Variants in FYCO1 observed in about 807,000 individuals in gnomAD.
FYCO1 encodes FYVE and coiled-coil domain-containing protein 1.
FYCO1 carries 122 observed loss-of-function variants against 165.1 expected under a neutral mutation model. That is an observed-to-expected ratio of 0.74 (90% confidence interval 0.64 to 0.86). The LOEUF (loss-of-function observed/expected upper bound fraction) is 0.86. FYCO1 is among the 40% of genes least tolerant of loss of function. FYCO1 has a pLI of 0.00. For missense variants in FYCO1, 1,702 were observed against 1,810.3 expected, an observed-to-expected ratio of 0.94 and a Z score of 1.09; for synonymous variants, 648 against 742.5, an observed-to-expected ratio of 0.87 and a Z score of 2.07.
chr3:45,981,737 G>A lies in FYCO1; in HGVS notation c.56-61C>T, dbSNP rs558733932. The A allele has an allele frequency of 3.4e-5, 41 of 1,190,798 alleles. No individual in the cohort carries two copies. The South Asian group carries it at 4.4e-4, about 13-fold the overall frequency. The allele number at this position is 1,190,798 out of a possible 1,614,324, so 73.8% of individuals were successfully genotyped here. ...GTGACTAAACTCAGACAGAGAAGCA[G>A]AAATAATCCAGGAAGCATGAGGAGC... On this transcript the variant is annotated intron_variant, in intron 2 of 17. Coordinates refer to ENST00000296137, the MANE Select transcript of FYCO1 (RefSeq NM_024513.4).
At chr3:45,939,174 C>T (rs904521573) in intron 14 of FYCO1, among the ~76,000 whole-genome samples, 2 of 151,600 alleles carry the variant, frequency 1.3e-5, no homozygotes, top group South Asian at 2.1e-4. Context: ...AGCACATGTT[C>T]TAGTCCGTCA....
intron 14 of FYCO1, chr3:45,945,830 C>G (rs1704557595): frequency 6.6e-6 from 1 of 152,286 alleles, no homozygotes; most frequent in African/African-American, 2.4e-5. Context: ...TTTGTTTCCC[C>G]ATTAGTAGCC....
chr3:45,986,417 C>T (rs1032854884), intron 1 of FYCO1, among the ~76,000 whole-genome samples: 1 of 152,190 alleles, frequency 6.6e-6, no homozygotes, highest in South Asian at 2.1e-4. Context: ...GCATGGAAAC[C>T]ACCCCAGCCA....
At chr3:45,977,820 G>A (rs1706849564) in intron 4 of FYCO1, among the ~76,000 whole-genome samples, 1 of 152,176 alleles carries the variant, frequency 6.6e-6, no homozygotes, top group African/African-American at 2.4e-5. Flanking sequence ...ACCTACAAAT[G>A]CTTCTTATCC....
intron 13 of FYCO1, among the ~76,000 whole-genome samples, chr3:45,957,438 A>T (rs1402842921): frequency 6.6e-6 from 1 of 152,252 alleles, no homozygotes; most frequent in Admixed American, 6.5e-5. Context: ...TGCTCTTTGA[A>T]GACTTTTTTG....
chr3:45,936,374 C>T lies in FYCO1; in HGVS notation c.4040+74G>A, dbSNP rs4535265. Reference sequence around the variant, plus strand: ...TTAGAGCCCCCGAGGTGGTCCCCAGCGCCGGCACTGGAGAGGCCAGTGCTC... The same window carrying T: ...TTAGAGCCCCCGAGGTGGTCCCCAGTGCCGGCACTGGAGAGGCCAGTGCTC... On this transcript the variant is annotated intron_variant, in intron 15 of 17. Transcript: ENST00000296137. 385,932 of 975,800 alleles carry T rather than the reference C, an allele frequency of 0.4. 81,483 individuals are homozygous for T. Among genetic ancestry groups the T allele is most frequent in the East Asian group, 0.62 (25,821 of 41,886 alleles). 60.4% of individuals were successfully genotyped at this position (975,800 alleles called of 1,614,324 possible).
At chr3:45,989,407 G>T (rs1397981381) in intron 1 of FYCO1, among the ~76,000 whole-genome samples, 1 of 152,202 alleles carries the variant, frequency 6.6e-6, no homozygotes, top group Non-Finnish European at 1.5e-5. Flanking sequence ...AGGCCTGGAG[G>T]TCCTGCTGGC....
chr3:45,971,303 A>T (rs1158529516), intron 6 of FYCO1, among the ~76,000 whole-genome samples: 1 of 152,226 alleles, frequency 6.6e-6, no homozygotes, highest in Non-Finnish European at 1.5e-5. Context: ...GAGTTAGAAA[A>T]TCACTCTGGT....
intron 16 of FYCO1, among the ~76,000 whole-genome samples, chr3:45,928,352 T>A (rs1312129541): frequency 6.6e-6 from 1 of 152,182 alleles, no homozygotes; most frequent in Admixed American, 6.5e-5. Flanking sequence ...CAAAGACGGA[T>A]CCTCTGCCCA....
Position 45,921,041 on chromosome 3 carries a change from G to T in FYCO1, c.*724C>A, listed in dbSNP as rs148133261. The T allele has an allele frequency of 3.8e-3, 595 of 156,904 alleles. 8 individuals carry two copies. The highest frequency in any genetic ancestry group is 0.013 in the African/African-American group (548 of 41,554). 9.7% of individuals were successfully genotyped at this position (156,904 alleles called of 1,614,324 possible). A position where few individuals can be genotyped will look rare whatever the true frequency, so the allele number is the denominator to read the frequency against. On this transcript the variant is annotated 3_prime_UTR_variant, in exon 18 of 18. Coordinates refer to ENST00000296137, the MANE Select transcript of FYCO1 (RefSeq NM_024513.4). ...ATTATCTTTACTTCTGATTCTTAGG[G>T]CAATGCTTTGAGCTGTGGAGAGGTC...
At chr3:45,986,403 C>T (rs1003039517) in intron 1 of FYCO1, among the ~76,000 whole-genome samples, 2 of 152,174 alleles carry the variant, frequency 1.3e-5, no homozygotes, top group Admixed American at 1.3e-4. Flanking sequence ...GCAAGCAGAT[C>T]CTGGCATGGA....
chr3:45,987,779 A>G (rs7653682), intron 1 of FYCO1, among the ~76,000 whole-genome samples: 105,800 of 152,120 alleles, frequency 0.7, 39,291 homozygotes, highest in East Asian at 1. Context: ...ATCCTGAGTA[A>G]CTCATCCGGG....
chr3:45,955,611 G>A (rs369938758), intron 13 of FYCO1, among the ~76,000 whole-genome samples: 12 of 152,172 alleles, frequency 7.9e-5, no homozygotes, highest in African/African-American at 2.9e-4. Context: ...GCTTACAGAC[G>A]AAATGGAATG....
chr3:45,992,299 C>T (rs1707596739), intron 1 of FYCO1, among the ~76,000 whole-genome samples: 1 of 152,128 alleles, frequency 6.6e-6, no homozygotes, highest in Non-Finnish European at 1.5e-5. Flanking sequence ...ATGACAACAG[C>T]AGTGCCAGCG....
chr3:45,988,769 G>T (rs1707431825), intron 1 of FYCO1, among the ~76,000 whole-genome samples: 1 of 152,144 alleles, frequency 6.6e-6, no homozygotes, highest in African/African-American at 2.4e-5. Flanking sequence ...AAGAGGAAAA[G>T]GGACTCAATG....
chr3:45,939,868 G>A (rs1241861716), intron 14 of FYCO1, among the ~76,000 whole-genome samples: 1 of 152,194 alleles, frequency 6.6e-6, no homozygotes, highest in Non-Finnish European at 1.5e-5. Flanking sequence ...AACTAAAAAT[G>A]TGGCTGCCTG....
intron 7 of FYCO1, among the ~76,000 whole-genome samples, 167 bp downstream of exon 7, chr3:45,969,508 T>C (rs1706297751): frequency 6.6e-6 from 1 of 152,242 alleles, no homozygotes; most frequent in South Asian, 2.1e-4. Context: ...CTAGATTCTA[T>C]TTGGTTGAAA....
intron 15 of FYCO1, among the ~76,000 whole-genome samples, chr3:45,934,925 G>A (rs1233259519): frequency 6.6e-6 from 1 of 152,182 alleles, no homozygotes; most frequent in Non-Finnish European, 1.5e-5. Context: ...GGTACATTCT[G>A]CAGCCAAGTT....
Position 45,959,439 on chromosome 3 carries a change from C to T in FYCO1, c.3541G>A (p.Asp1181Asn), listed in dbSNP as rs199779187. Residue 1181 changes from aspartate (D) to asparagine (N), a missense_variant, in exon 12 of 18, where the codon GAC (aspartate) becomes AAC (asparagine). Coordinates refer to ENST00000296137, the MANE Select transcript of FYCO1 (RefSeq NM_024513.4). Reference protein sequence around the residue: ...LGDTEANHCLDCKREFSWMVR... With the variant: ...LGDTEANHCLNCKREFSWMVR... The stretch of plus-strand genomic sequence containing the variant: ...ATCCAGCTGAACTCCCGCTTACAGT[C>T]GAGGCAGTGGTTTGCCTCTGTGTCT... The T allele has an allele frequency of 1.0e-4, 161 of 1,613,992 alleles. No homozygotes were observed. The highest frequency in any genetic ancestry group is 1.3e-4 in the Non-Finnish European group (148 of 1,180,046).
Sources: gnomAD v4.1 joint callset for allele counts (sites outside exome capture counted in the v4.1 genomes callset) on GRCh38, gnomAD v4.1.1 for gene constraint, MANE v1.5 for transcripts, NCBI Gene and HGNC (gene_info 2026-07-23, HGNC 2026-07-21) for gene names.